TMEM132B: variants seen among roughly 807,000 people sequenced by gnomAD.
TMEM132B encodes transmembrane protein 132B.
In TMEM132B, 18 loss-of-function variants were observed where a neutral mutation model predicts 90.8. The ratio of observed to expected loss-of-function variants is 0.20; its 90% CI spans 0.14 to 0.29. The LOEUF (loss-of-function observed/expected upper bound fraction) is 0.29. TMEM132B is among the 10% of genes least tolerant of loss of function. The probability of loss-of-function intolerance (pLI) is 1.00; values close to 1 mark genes in which losing one functional copy is unlikely to be tolerated. For synonymous variants in TMEM132B, 504 were observed against 523.3 expected (o/e 0.96, Z 0.50); for missense variants, 1,096 against 1,326.8 (o/e 0.83, Z 2.70).
At chr12:125,539,197 C>G (rs187505866) in intron 4 of TMEM132B, among the ~76,000 whole-genome samples, 1 of 152,276 alleles carries the variant, frequency 6.6e-6, no homozygotes, top group South Asian at 2.1e-4. Context: ...CTTAAGTGGC[C>G]GAAAGAGGTC....
chr12:125,517,756 A>G (rs2526735), intron 3 of TMEM132B, among the ~76,000 whole-genome samples: 49,152 of 151,870 alleles, frequency 0.32, 12,071 homozygotes, highest in East Asian at 0.74. Flanking sequence ...TAGAAAGACC[A>G]ATATTATTGT....
At chr12:125,323,737 T>G (rs933062351) in intron 1 of TMEM132B, among the ~76,000 whole-genome samples, 1 of 152,224 alleles carries the variant, frequency 6.6e-6, no homozygotes, top group African/African-American at 2.4e-5. Flanking sequence ...CAGGCTGGTC[T>G]CCAACTCCTG....
intron 2 of TMEM132B, among the ~76,000 whole-genome samples, chr12:125,383,842 G>A (rs1878751054): frequency 6.6e-6 from 1 of 152,172 alleles, no homozygotes; most frequent in Non-Finnish European, 1.5e-5. Flanking sequence ...CTGTTAAAAG[G>A]GCAGATTTGC....
At chr12:125,365,660 T>A (rs1878109208) in intron 2 of TMEM132B, among the ~76,000 whole-genome samples, 1 of 152,082 alleles carries the variant, frequency 6.6e-6, no homozygotes, top group South Asian at 2.1e-4. Flanking sequence ...CCAGAAGATT[T>A]TTTTTTGCTA....
intron 3 of TMEM132B, among the ~76,000 whole-genome samples, chr12:125,476,883 C>T (rs1053720529): frequency 5.9e-5 from 9 of 152,032 alleles, no homozygotes; most frequent in East Asian, 3.9e-4. Flanking sequence ...CTGTGGGAGA[C>T]GGGAATGGAA....
intron 1 of TMEM132B, among the ~76,000 whole-genome samples, chr12:125,268,322 T>A (rs1874743989): frequency 6.6e-6 from 1 of 152,210 alleles, no homozygotes; most frequent in African/African-American, 2.4e-5. Flanking sequence ...TGAGAATTTA[T>A]CATTCAGAGA....
At chr12:125,488,886 C>T (rs759699179) in intron 3 of TMEM132B, among the ~76,000 whole-genome samples, 1 of 152,164 alleles carries the variant, frequency 6.6e-6, no homozygotes, top group Admixed American at 6.5e-5. Flanking sequence ...AAAGAGAAAC[C>T]TAACTGATGC....
intron 1 of TMEM132B, among the ~76,000 whole-genome samples, chr12:125,190,796 G>T (rs545907750): frequency 3.4e-4 from 8 of 23,494 alleles, no homozygotes; most frequent in Admixed American, 3.7e-4. Context: ...AAGGGGTGGT[G>T]ATGGTGATGG....
At chr12:125,428,342 C>G (rs934522230) in intron 3 of TMEM132B, among the ~76,000 whole-genome samples, 1 of 152,012 alleles carries the variant, frequency 6.6e-6, no homozygotes, top group African/African-American at 2.4e-5. Context: ...TTTAGAAACC[C>G]GGGCCTCTCC....
At chr12:125,604,604 A>G (rs904311406) in intron 5 of TMEM132B, among the ~76,000 whole-genome samples, 2 of 152,262 alleles carry the variant, frequency 1.3e-5, no homozygotes, top group Non-Finnish European at 2.9e-5. Flanking sequence ...CCCAGAACTT[A>G]AAGTAAAATA....
intron 1 of TMEM132B, among the ~76,000 whole-genome samples, chr12:125,216,740 G>C (rs1365521710): frequency 1.3e-5 from 2 of 152,188 alleles, no homozygotes; most frequent in African/African-American, 4.8e-5. Context: ...TTCCTTTTCT[G>C]AGCTGGAATG....
chr12:125,262,383 A>G (rs1874588246), intron 1 of TMEM132B, among the ~76,000 whole-genome samples: 1 of 152,124 alleles, frequency 6.6e-6, no homozygotes, highest in African/African-American at 2.4e-5. Context: ...CTGAAAAAAT[A>G]GGGGCCAACA....
chr12:125,583,763 G>A lies in TMEM132B; in HGVS notation c.1294-88G>A, dbSNP rs1261108035. ...TCTAAATCGCAGAACGAGAATGAAG[G>A]CAGTAGGGAGCTTGGTGGACACCCC... is the stretch of plus-strand genomic sequence containing the variant. On this transcript the variant is annotated intron_variant, in intron 4 of 8. Coordinates refer to ENST00000682704, the MANE Select transcript of TMEM132B (RefSeq NM_001366854.1). The A allele has an allele frequency of 9.6e-6, 14 of 1,465,530 alleles. No individual in the cohort carries two copies. In the East Asian group the frequency reaches 1.8e-4, roughly 19 times the overall value. 90.8% of individuals were successfully genotyped at this position (1,465,530 alleles called of 1,614,324 possible). A position where few individuals can be genotyped will look rare whatever the true frequency, so the allele number is the denominator to read the frequency against.
intron 4 of TMEM132B, among the ~76,000 whole-genome samples, chr12:125,521,652 G>A (rs1450000090): frequency 6.6e-6 from 1 of 152,194 alleles, no homozygotes; most frequent in Non-Finnish European, 1.5e-5. Flanking sequence ...CAGAGCCCAG[G>A]ACCTGGGGGT....
chr12:125,641,810 G>T (rs1334041721), intron 5 of TMEM132B, among the ~76,000 whole-genome samples: 1 of 152,146 alleles, frequency 6.6e-6, no homozygotes, highest in African/African-American at 2.4e-5. Flanking sequence ...ATTGGGGGTG[G>T]TTGGGTAGCA....
chr12:125,288,180 T>C (rs73422813), intron 1 of TMEM132B, among the ~76,000 whole-genome samples: 20,703 of 151,488 alleles, frequency 0.14, 1,589 homozygotes, highest in African/African-American at 0.2. Flanking sequence ...GGCCTCTTTC[T>C]GTTTTAAAGA....
chr12:125,270,590 G>C (rs1874812978), intron 1 of TMEM132B, among the ~76,000 whole-genome samples: 1 of 152,190 alleles, frequency 6.6e-6, no homozygotes, highest in South Asian at 2.1e-4. Flanking sequence ...TGTAGGCCTT[G>C]GGATTCCCTC....
chr12:125,255,277 T>C (rs1874411136), intron 1 of TMEM132B, among the ~76,000 whole-genome samples: 1 of 151,676 alleles, frequency 6.6e-6, no homozygotes, highest in Non-Finnish European at 1.5e-5. Flanking sequence ...CTCTTTCTCT[T>C]TCTTTCTTTC....
chr12:125,283,548 G>A (rs536651062), intron 1 of TMEM132B, among the ~76,000 whole-genome samples: 13 of 152,240 alleles, frequency 8.5e-5, no homozygotes, highest in African/African-American at 2.6e-4. Context: ...TCTGGCCCGG[G>A]AAACATGTAA....
Sources: gnomAD v4.1 joint callset for allele counts (sites outside exome capture counted in the v4.1 genomes callset) on GRCh38, gnomAD v4.1.1 for gene constraint, MANE v1.5 for transcripts, NCBI Gene and HGNC (gene_info 2026-07-23, HGNC 2026-07-21) for gene names.